Variants in RUVBL1 observed in about 807,000 individuals in gnomAD.
RUVBL1 encodes ruvB-like 1.
A neutral mutation model predicts 52.4 loss-of-function variants in RUVBL1; 4 were observed. The observed-to-expected ratio is 0.08, with a 90% CI of 0.04 to 0.17. The LOEUF (loss-of-function observed/expected upper bound fraction) is 0.17. Ranked by LOEUF, RUVBL1 falls within the 10% of genes least tolerant of loss-of-function variation. RUVBL1 has a pLI of 1.00. For synonymous variants in RUVBL1, 217 were observed against 214.4 expected (o/e 1.01, Z -0.10); for missense variants, 298 against 572.8 (o/e 0.52, Z 4.90).
At chr3:128,101,865 G>C (rs1198481588) in intron 4 of RUVBL1, among the ~76,000 whole-genome samples, 2 of 152,192 alleles carry the variant, frequency 1.3e-5, no homozygotes, top group East Asian at 3.8e-4. Context: ...GAGAAAATAG[G>C]GGGGCCAGCA....
intron 8 of RUVBL1, among the ~76,000 whole-genome samples, chr3:128,096,810 C>T (rs922147415): frequency 6.6e-6 from 1 of 150,728 alleles, no homozygotes; most frequent in Non-Finnish European, 1.5e-5. Flanking sequence ...CTGGGCGACA[C>T]AGTGAGACTC....
intron 3 of RUVBL1, among the ~76,000 whole-genome samples, chr3:128,109,295 C>T (rs761390733): frequency 4.6e-5 from 7 of 152,158 alleles, no homozygotes; most frequent in Admixed American, 6.5e-5. Context: ...CCTATAATCT[C>T]AGCACTCTGT....
At chr3:128,109,077 A>G (rs1456006850) in intron 3 of RUVBL1, among the ~76,000 whole-genome samples, 1 of 152,172 alleles carries the variant, frequency 6.6e-6, no homozygotes, top group Non-Finnish European at 1.5e-5. Flanking sequence ...ATTCCCACAC[A>G]ATTATGGCAC....
At chr3:128,121,420 A>G (rs1374812359) in intron 1 of RUVBL1, among the ~76,000 whole-genome samples, 1 of 151,398 alleles carries the variant, frequency 6.6e-6, no homozygotes, top group African/African-American at 2.4e-5. Flanking sequence ...CTAAATAGAT[A>G]AAAAACCTAG....
rs1942010903 is a variant in RUVBL1 at position 128,067,314 on chromosome 3, G to C, written c.940-2094C>G. 6 of 1,331,480 alleles carry C rather than the reference G, an allele frequency of 4.5e-6. No individual in the cohort carries two copies. The Admixed American group carries it at 1.2e-4, about 27-fold the overall frequency. 82.5% of individuals were successfully genotyped at this position (1,331,480 alleles called of 1,614,324 possible). On this transcript the variant is annotated intron_variant, in intron 9 of 9. Coordinates refer to the RUVBL1 transcript ENST00000464873. The surrounding 1 kb of genome is among the most constrained non-coding windows in gnomAD (Gnocchi z 4.1). Reference sequence around the variant, plus strand: ...CTTTTCAGTAAAAAAATTGTACTGTGGGCACCGAGTAAAATTGCATTCTTT... The same window carrying C: ...CTTTTCAGTAAAAAAATTGTACTGTCGGCACCGAGTAAAATTGCATTCTTT...
At position 128,067,164 on chromosome 3, in the gene RUVBL1, T is replaced by A. The variant is rs535035799; in HGVS notation, c.940-1944A>T. The A allele has an allele frequency of 5.0e-6, 8 of 1,612,582 alleles. No individual in the cohort carries two copies. In the Admixed American group the frequency reaches 1.0e-4, roughly 20 times the overall value. On this transcript the variant is annotated intron_variant, in intron 9 of 9. Transcript: ENST00000464873. The surrounding 1 kb of genome is among the most constrained non-coding windows in gnomAD (Gnocchi z 4.1). ...GGGCACCTGGTCGGTAAGTAGGCTCTTTGAAGATGAGCTAGCAATGCAGCT... is the reference window on the plus strand; with the variant it reads ...GGGCACCTGGTCGGTAAGTAGGCTCATTGAAGATGAGCTAGCAATGCAGCT...
chr3:128,082,288 T>C lies in RUVBL1; in HGVS notation c.1211+195A>G. ...CAGGACATGGGGACTTCACCCTTAC[T>C]CTAGCTTGTTAAAAACCATCAGATA... On this transcript the variant is annotated intron_variant, in intron 10 of 10. Coordinates refer to ENST00000322623, the MANE Select transcript of RUVBL1 (RefSeq NM_003707.3). This position sits in a 1 kb window ranked among gnomAD's most constrained non-coding sequence, Gnocchi z 4.7. 1.8e-6 allele frequency: 1 copy of C among 554,950 alleles called. No homozygotes were observed. The highest frequency in any genetic ancestry group is 3.2e-6 in the Non-Finnish European group (1 of 308,128). 34.4% of individuals were successfully genotyped at this position (554,950 alleles called of 1,614,324 possible).
At chr3:128,065,898 C>T (rs1262271970) in intron 9 of RUVBL1, among the ~76,000 whole-genome samples, 4 of 151,870 alleles carry the variant, frequency 2.6e-5, no homozygotes, top group African/African-American at 4.8e-5. Flanking sequence ...CCTGTCACCA[C>T]GCCCGGCTAA....
intron 1 of RUVBL1, among the ~76,000 whole-genome samples, chr3:128,151,792 G>C (rs937170682): frequency 6.6e-6 from 1 of 152,158 alleles, no homozygotes; most frequent in Non-Finnish European, 1.5e-5. Flanking sequence ...CATGGACTCT[G>C]TTCCTAGTGG....
At chr3:128,080,186 C>T (rs1330826105), downstream of RUVBL1, among the ~76,000 whole-genome samples, 2 of 152,228 alleles carry the variant, frequency 1.3e-5, no homozygotes, top group Admixed American at 6.5e-5. Flanking sequence ...TAGGGACACA[C>T]GAGCCAACTG....
intron 1 of RUVBL1, among the ~76,000 whole-genome samples, chr3:128,130,994 C>CTGTA (rs2107728478): frequency 6.6e-6 from 1 of 152,112 alleles, no homozygotes; most frequent in Non-Finnish European, 1.5e-5. Context: ...TTGTGCCCAC[C>CTGTA]TGTAGTCTTA....
chr3:128,108,713 G>A (rs1184661567), intron 3 of RUVBL1, among the ~76,000 whole-genome samples: 2 of 147,456 alleles, frequency 1.4e-5, no homozygotes, highest in Non-Finnish European at 3.0e-5. Context: ...AAAAAAAAAA[G>A]TACTCAGACA....
intron 9 of RUVBL1, chr3:128,068,099 A>C (rs2107652656): frequency 1.3e-6 from 2 of 1,540,688 alleles, no homozygotes; most frequent in Non-Finnish European, 1.8e-6. Context: ...CCGTCTGTGG[A>C]CATGTGTTGT....
At chr3:128,139,496 G>A (rs567708495) in intron 1 of RUVBL1, among the ~76,000 whole-genome samples, 4 of 152,218 alleles carry the variant, frequency 2.6e-5, no homozygotes, top group South Asian at 4.1e-4. Flanking sequence ...AGTACAATGG[G>A]TATCATCTCA....
At chr3:128,132,578 T>C (rs1943896349) in intron 1 of RUVBL1, among the ~76,000 whole-genome samples, 1 of 152,086 alleles carries the variant, frequency 6.6e-6, no homozygotes, top group African/African-American at 2.4e-5. Flanking sequence ...GGGCAGCAGG[T>C]AGAGTCCTGA....
intron 8 of RUVBL1, among the ~76,000 whole-genome samples, chr3:128,090,950 A>C (rs1405993868): frequency 6.6e-6 from 1 of 152,232 alleles, no homozygotes; most frequent in Non-Finnish European, 1.5e-5. Flanking sequence ...GAGAAAAATA[A>C]AGTACTCCCA....
At chr3:128,144,117 C>T (rs549606868) in intron 1 of RUVBL1, among the ~76,000 whole-genome samples, 6 of 152,224 alleles carry the variant, frequency 3.9e-5, no homozygotes, top group Admixed American at 6.5e-5. Context: ...GCTCAGCTGA[C>T]CTGGGTGGCA....
At chr3:128,141,126 T>C (rs1559837031) in intron 1 of RUVBL1, among the ~76,000 whole-genome samples, 1 of 152,202 alleles carries the variant, frequency 6.6e-6, no homozygotes, top group Non-Finnish European at 1.5e-5. Context: ...AGCAGGTCAA[T>C]TGAAAGAAAA....
At chr3:128,089,111 C>T (rs974936139) in intron 8 of RUVBL1, among the ~76,000 whole-genome samples, 3 of 152,230 alleles carry the variant, frequency 2.0e-5, no homozygotes, top group African/African-American at 4.8e-5. Flanking sequence ...CTTAAGTTTG[C>T]ATTTCTTTGA....
Sources: gnomAD v4.1 joint callset for allele counts (sites outside exome capture counted in the v4.1 genomes callset) on GRCh38, gnomAD v4.1.1 for gene constraint, Gnocchi (gnomAD v3.1) non-coding constraint, MANE v1.5 for transcripts, NCBI Gene and HGNC (gene_info 2026-07-23, HGNC 2026-07-21) for gene names.